The following NTM variants were observed in gnomAD, a reference collection of about 807,000 sequenced individuals.
NTM encodes neurotrimin, also known as IgLON family member 2.
NTM carries 13 observed loss-of-function variants against 42.1 expected under a neutral mutation model. The ratio of observed to expected loss-of-function variants is 0.31; its 90% CI spans 0.20 to 0.49. NTM has a LOEUF of 0.49. Among genes scored for constraint, NTM ranks in the 20% least tolerant of loss-of-function variants. NTM has a pLI of 0.99. For synonymous variants in NTM, 187 were observed against 179.2 expected (o/e 1.04, Z -0.35); for missense variants, 373 against 452.8 (o/e 0.82, Z 1.60).
intron 1 of NTM, among the ~76,000 whole-genome samples, chr11:131,528,156 C>G (rs1018339875): frequency 1.3e-5 from 2 of 152,142 alleles, no homozygotes; most frequent in Admixed American, 6.5e-5. Flanking sequence ...TGCTTGTTTT[C>G]ATTTTGTCTG....
chr11:131,428,398 T>A (rs1300435277), intron 1 of NTM, among the ~76,000 whole-genome samples: 1 of 152,198 alleles, frequency 6.6e-6, no homozygotes, highest in Non-Finnish European at 1.5e-5. Context: ...CCTCCCTACT[T>A]CTTGATTTAT....
intron 1 of NTM, chr11:131,539,205 G>A (rs2052790580): frequency 6.6e-6 from 1 of 152,198 alleles, no homozygotes; most frequent in African/African-American, 2.4e-5. Flanking sequence ...GCTTCCCAAA[G>A]TGGTAGGATT....
chr11:131,602,314 A>G (rs1157125029), intron 1 of NTM, among the ~76,000 whole-genome samples: 1 of 152,158 alleles, frequency 6.6e-6, no homozygotes, highest in Non-Finnish European at 1.5e-5. Context: ...TAGTAAGGAC[A>G]GGGGTTTCCA....
At chr11:131,985,962 C>G (rs2066008118) in intron 2 of NTM, among the ~76,000 whole-genome samples, 2 of 152,086 alleles carry the variant, frequency 1.3e-5, no homozygotes, top group African/African-American at 4.8e-5. Flanking sequence ...CTAGGCAGCC[C>G]CGAAGTACCC....
intron 2 of NTM, among the ~76,000 whole-genome samples, chr11:131,972,588 G>A (rs1014075841): frequency 6.6e-5 from 10 of 152,088 alleles, no homozygotes; most frequent in Non-Finnish European, 1.3e-4. Context: ...AGGGACTACT[G>A]TTTTCATATG....
chr11:131,668,146 C>T (rs755708313), intron 1 of NTM, among the ~76,000 whole-genome samples: 1 of 152,150 alleles, frequency 6.6e-6, no homozygotes, highest in African/African-American at 2.4e-5. Context: ...CAATGGAACA[C>T]GAGCCTGGGC....
rs565449016 is a variant in NTM at position 131,599,339 on chromosome 11, G to A, written c.82+228451G>A. On this transcript the variant is annotated intron_variant, in intron 1 of 8. Coordinates refer to ENST00000683400, the MANE Select transcript of NTM (RefSeq NM_001352005.2). ...CTACCCAGTCTCCGGCAGATGCCCT[G>A]TCTACCCAGTCTCCGGCAGATGCCC... Among the ~76,000 whole-genome samples the A allele has an allele frequency of 2.0e-5, 3 of 151,820 alleles. 1 individual carries two copies. Among genetic ancestry groups the A allele is most frequent in the African/African-American group, 7.3e-5 (3 of 41,174 alleles).
intron 2 of NTM, among the ~76,000 whole-genome samples, chr11:132,079,473 G>A: frequency 6.6e-6 from 1 of 152,176 alleles, no homozygotes; most frequent in South Asian, 2.1e-4. Flanking sequence ...TACCATCGTT[G>A]TTAAGGATGA....
rs192524618 is a variant in NTM, at chr11:131,399,061, G to T, written c.82+28173G>T. On this transcript the variant is annotated intron_variant, in intron 1 of 8. Coordinates refer to ENST00000683400, the MANE Select transcript of NTM (RefSeq NM_001352005.2). ...GGAAGTGGTGCAAACAGTGCACTTG[G>T]AGAGAAATGCATTGAAGCTGCCGAC... Among the ~76,000 whole-genome samples the T allele has an allele frequency of 2.6e-4, 39 of 152,280 alleles. No homozygotes were observed. In the East Asian group the frequency reaches 5.8e-3, roughly 23 times the overall value.
At chr11:132,014,710 T>C (rs901819100) in intron 2 of NTM, among the ~76,000 whole-genome samples, 2 of 151,372 alleles carry the variant, frequency 1.3e-5, no homozygotes, top group Non-Finnish European at 3.0e-5. Flanking sequence ...TTCAGATCAT[T>C]TACCCGCTTT....
chr11:131,500,109 C>T (rs182519145), intron 1 of NTM, among the ~76,000 whole-genome samples: 17 of 152,300 alleles, frequency 1.1e-4, no homozygotes, highest in African/African-American at 3.6e-4. Flanking sequence ...CTCACTCCCA[C>T]GTGACATCAG....
At chr11:131,764,091 A>G (rs1050361970) in intron 1 of NTM, among the ~76,000 whole-genome samples, 3 of 152,128 alleles carry the variant, frequency 2.0e-5, no homozygotes, top group Non-Finnish European at 4.4e-5. Context: ...AGTAATAATA[A>G]AACTAAATAA....
chr11:132,080,892 A>T (rs970306824), intron 2 of NTM, among the ~76,000 whole-genome samples: 1 of 152,192 alleles, frequency 6.6e-6, no homozygotes, highest in Non-Finnish European at 1.5e-5. Context: ...AAGCAGCAGC[A>T]CCTGTGTTCC....
intron 1 of NTM, among the ~76,000 whole-genome samples, chr11:131,585,686 G>C (rs1015947881): frequency 6.6e-6 from 1 of 152,096 alleles, no homozygotes; most frequent in South Asian, 2.1e-4. Flanking sequence ...ATGCCTCTAT[G>C]TAGGGCATTT....
chr11:132,261,538 A>T (rs1005542890), intron 4 of NTM, among the ~76,000 whole-genome samples: 1 of 152,198 alleles, frequency 6.6e-6, no homozygotes, highest in African/African-American at 2.4e-5. Context: ...TTTAGTCAGA[A>T]TTGGTTAAAT....
intron 1 of NTM, among the ~76,000 whole-genome samples, chr11:131,822,586 G>C (rs993386925): frequency 6.6e-6 from 1 of 152,130 alleles, no homozygotes; most frequent in African/African-American, 2.4e-5. Context: ...GCTGCTTTCA[G>C]TGTCTTGAAT....
chr11:131,820,366 C>T (rs1395613102), intron 1 of NTM, among the ~76,000 whole-genome samples: 1 of 152,180 alleles, frequency 6.6e-6, no homozygotes, highest in Admixed American at 6.5e-5. Flanking sequence ...TGTCTTAACT[C>T]CCTGTGGATT....
intron 2 of NTM, among the ~76,000 whole-genome samples, chr11:132,109,429 C>A (rs1334539391): frequency 2.0e-5 from 3 of 152,198 alleles, no homozygotes; most frequent in Middle Eastern, 3.2e-3. Flanking sequence ...CCCAACCAGA[C>A]CCTGAATCTG....
chr11:131,585,453 G>A (rs971938005), intron 1 of NTM, among the ~76,000 whole-genome samples: 1 of 152,160 alleles, frequency 6.6e-6, no homozygotes, highest in Non-Finnish European at 1.5e-5. Flanking sequence ...CAGGAAAGGA[G>A]GGTAGAGGGG....
Sources: gnomAD v4.1 joint callset for allele counts (sites outside exome capture counted in the v4.1 genomes callset) on GRCh38, gnomAD v4.1.1 for gene constraint, MANE v1.5 for transcripts, NCBI Gene and HGNC (gene_info 2026-07-23, HGNC 2026-07-21) for gene names.